The following NTRK3 variants were observed in gnomAD, a reference collection of about 807,000 sequenced individuals.
The protein encoded by NTRK3 is NT-3 growth factor receptor.
A neutral mutation model predicts 91.7 loss-of-function variants in NTRK3; 24 were observed. The observed-to-expected ratio is 0.26, with a 90% CI of 0.19 to 0.37. The LOEUF is 0.37. Ranked by LOEUF, NTRK3 falls within the 10% of genes least tolerant of loss-of-function variation. The pLI, the probability that NTRK3 is intolerant of heterozygous loss-of-function variation, is 1.00. For synonymous variants in NTRK3, 483 were observed against 404.0 expected, an observed-to-expected ratio of 1.20 and a Z score of -2.34; for missense variants, 880 against 1,068.9, an observed-to-expected ratio of 0.82 and a Z score of 2.46.
intron 14 of NTRK3, among the ~76,000 whole-genome samples, chr15:87,984,909 T>G (rs565050656): frequency 1.3e-5 from 2 of 152,276 alleles, no homozygotes; most frequent in African/African-American, 4.8e-5. Flanking sequence ...CCCCTGCACT[T>G]ATTTACAGTA....
chr15:87,999,462 T>A (rs2141603425), intron 14 of NTRK3, among the ~76,000 whole-genome samples: 1 of 152,356 alleles, frequency 6.6e-6, no homozygotes, highest in East Asian at 1.9e-4. Flanking sequence ...CTTTGTTGCA[T>A]TACATTTGCA....
intron 17 of NTRK3, among the ~76,000 whole-genome samples, chr15:87,894,274 T>C (rs1596125439): frequency 6.6e-6 from 1 of 152,200 alleles, no homozygotes; most frequent in Admixed American, 6.5e-5. Flanking sequence ...CCACTAGCAG[T>C]CCCAGCAGCC....
At chr15:88,183,636 G>T in intron 4 of NTRK3, 147 bp from the exon 5 acceptor site, 1 of 807,522 alleles carries the variant, frequency 1.2e-6, no homozygotes, top group South Asian at 1.4e-5. Context: ...GTTATCACAG[G>T]TGGCCTGCTG....
chr15:88,137,467 G>A, exon 7 of NTRK3: 1 of 1,614,186 alleles, frequency 6.2e-7, no homozygotes, highest in Non-Finnish European at 8.5e-7. Context: ...ATGCAGTAGA[G>A]GTTCTGGCTG....
intron 5 of NTRK3, among the ~76,000 whole-genome samples, chr15:88,165,903 G>A (rs1374719475): frequency 1.3e-5 from 2 of 152,164 alleles, no homozygotes; most frequent in African/African-American, 2.4e-5. Flanking sequence ...GCAAGAAGTT[G>A]TCTTGATCTC....
chr15:87,979,311 G>A, intron 14 of NTRK3: 1 of 1,445,400 alleles, frequency 6.9e-7, no homozygotes, highest in Non-Finnish European at 9.7e-7. Flanking sequence ...GCCTACCAAG[G>A]TGACATCAAA....
chr15:87,925,527 C>T (rs559271557), intron 17 of NTRK3: 7 of 210,666 alleles, frequency 3.3e-5, no homozygotes, highest in African/African-American at 1.6e-4. Context: ...AACTCTTAGG[C>T]CCAAATGAGT....
At chr15:87,878,939 G>A (rs1311741269) in intron 18 of NTRK3, among the ~76,000 whole-genome samples, 3 of 150,794 alleles carry the variant, frequency 2.0e-5, no homozygotes, top group Non-Finnish European at 3.0e-5. Flanking sequence ...GTGTGTGTGT[G>A]TGTGTGTGTG....
At chr15:88,192,474 G>A (rs79569138) in intron 3 of NTRK3, among the ~76,000 whole-genome samples, 2,292 of 152,146 alleles carry the variant, frequency 0.015, 18 homozygotes, top group South Asian at 0.031. Flanking sequence ...ATTCTAACCC[G>A]GAGAACAAGC....
Position 87,939,250 on chromosome 15 carries a change from C to T in NTRK3, c.1716+1373G>A, listed in dbSNP as rs774685361. Among the ~76,000 whole-genome samples the T allele has an allele frequency of 3.4e-4, 52 of 152,082 alleles. 1 individual carries two copies. Among genetic ancestry groups the T allele is most frequent in the Admixed American group, 1.0e-3 (16 of 15,260 alleles). The stretch of plus-strand genomic sequence containing the variant: ...TGATAATGATAGAAACAAATGCCAA[C>T]TACTTTTTATTGAGTCTTTACTCAA... On this transcript the variant is annotated intron_variant, in intron 15 of 18. Transcript: ENST00000394480.
In NTRK3 at chr15:88,255,476, T is replaced by TGCCG. The variant is rs778477070; in HGVS notation, c.248+426_248+429dup. On this transcript the variant is annotated intron_variant, in intron 3 of 18. Transcript: ENST00000394480. This position sits in a 1 kb window ranked among gnomAD's most constrained non-coding sequence, Gnocchi z 4.3. The stretch of plus-strand genomic sequence containing the variant: ...GTCACCTTCCCTGCCGGCTAAGCGC[T>TGCCG]GCCGCCGCTGCCACCGCCGCTGCCG... Among the ~76,000 whole-genome samples, 118 of 152,296 alleles carry TGCCG rather than the reference T, an allele frequency of 7.7e-4. No individual in the cohort carries two copies. The highest frequency in any genetic ancestry group is 1.4e-3 in the Non-Finnish European group (97 of 68,022).
chr15:88,136,731 C>T, intron 7 of NTRK3, 122 bp from the exon 8 acceptor site: 2 of 1,221,414 alleles, frequency 1.6e-6, no homozygotes, highest in Non-Finnish European at 2.3e-6. Context: ...ACACCACCTG[C>T]TTGAGTTCTT....
At chr15:88,009,936 C>T (rs986026390) in intron 14 of NTRK3, among the ~76,000 whole-genome samples, 2 of 152,184 alleles carry the variant, frequency 1.3e-5, no homozygotes, top group African/African-American at 4.8e-5. Context: ...GTCCTCAGAT[C>T]CACCAAACTT....
At chr15:88,201,494 A>T (rs768342318) in intron 3 of NTRK3, among the ~76,000 whole-genome samples, 5 of 152,212 alleles carry the variant, frequency 3.3e-5, no homozygotes, top group Non-Finnish European at 5.9e-5. Flanking sequence ...ACTTCACAGT[A>T]GTCTTCAGCT....
exon 19 of NTRK3, chr15:87,860,596 G>T (rs1239071841): frequency 1.5e-5 from 3 of 205,836 alleles, no homozygotes; most frequent in Non-Finnish European, 2.0e-5. Context: ...TCCAAGACTC[G>T]CCAGGATGCA....
intron 5 of NTRK3, among the ~76,000 whole-genome samples, chr15:88,158,788 G>A (rs991676852): frequency 6.6e-6 from 1 of 152,122 alleles, no homozygotes; most frequent in Non-Finnish European, 1.5e-5. Context: ...GGGAGGTGGA[G>A]GCCAGGCCTG....
chr15:87,929,873 G>T (rs1248419557), intron 16 of NTRK3, among the ~76,000 whole-genome samples: 1 of 152,206 alleles, frequency 6.6e-6, no homozygotes, highest in African/African-American at 2.4e-5. Flanking sequence ...AAAATGATGA[G>T]ATTGCTCAGC....
intron 5 of NTRK3, among the ~76,000 whole-genome samples, chr15:88,175,031 T>C (rs184637909): frequency 1.3e-5 from 2 of 152,328 alleles, no homozygotes; most frequent in Admixed American, 1.3e-4. Flanking sequence ...AGACCCTGTC[T>C]TGAGTAGGAC....
At chr15:88,187,298 T>C (rs1265432571) in intron 3 of NTRK3, among the ~76,000 whole-genome samples, 1 of 152,152 alleles carries the variant, frequency 6.6e-6, no homozygotes, top group Admixed American at 6.5e-5. Flanking sequence ...AGTGCATAGA[T>C]GCCACATCAG....
Sources: allele counts gnomAD v4.1 joint callset (sites outside exome capture counted in the v4.1 genomes callset), GRCh38; gene constraint gnomAD v4.1.1; non-coding constraint Gnocchi (gnomAD v3.1); transcripts MANE v1.5; gene names NCBI Gene and HGNC (gene_info 2026-07-23, HGNC 2026-07-21).